NCKAP5: variants seen among roughly 807,000 people sequenced by gnomAD.
NCKAP5 encodes the protein NCK associated protein 5, also known as nck-associated protein 5.
In NCKAP5, 92 loss-of-function variants were observed where a neutral mutation model predicts 167.0. That is an observed-to-expected ratio of 0.55 (90% CI 0.47 to 0.66). The LOEUF (loss-of-function observed/expected upper bound fraction) is 0.66, where lower values mean the gene tolerates loss of function less well. Among genes scored for constraint, NCKAP5 ranks in the 30% least tolerant of loss-of-function variants. The pLI, the probability that NCKAP5 is intolerant of heterozygous loss-of-function variation, is 0.00. For missense variants in NCKAP5, 2,378 were observed against 2,315.0 expected, an observed-to-expected ratio of 1.03 and a Z score of -0.56; for synonymous variants, 891 against 877.4, an observed-to-expected ratio of 1.02 and a Z score of -0.27.
intron 11 of NCKAP5, among the ~76,000 whole-genome samples, chr2:132,804,594 A>T (rs1685288029): frequency 6.6e-6 from 1 of 152,170 alleles, no homozygotes; most frequent in African/African-American, 2.4e-5. Flanking sequence ...ACCTATTTTT[A>T]CCAGACCTAT....
chr2:132,731,857 A>G lies in NCKAP5; in HGVS notation c.5323T>C (p.Ser1775Pro). 1 of 1,613,886 alleles carries G rather than the reference A, an allele frequency of 6.2e-7. No individual in the cohort carries two copies. Among genetic ancestry groups the G allele is most frequent in the Non-Finnish European group, 8.5e-7 (1 of 1,179,872 alleles). The change falls in exon 17 of 20, where the codon TCC becomes CCC. Residue 1775 changes from serine to proline, a missense_variant. Around this residue, in one of 3 missense-constraint regions of NCKAP5, gnomAD observed 1,325 missense variants for 1,274.5 expected, o/e 1.04. Transcript: ENST00000409261. Reference protein sequence around the residue: ...RAQTLEREVPSSTDGQRPADS... With the variant: ...RAQTLEREVPPSTDGQRPADS... ...GCAGGGCGCTGGCCGTCTGTGGAGG[A>G]AGGCACTTCACGTTCAAGGGTTTGG...
intron 3 of NCKAP5, among the ~76,000 whole-genome samples, chr2:133,443,308 C>T (rs1158133313): frequency 1.3e-5 from 2 of 152,148 alleles, no homozygotes; most frequent in African/African-American, 2.4e-5. Flanking sequence ...GTTTTAGATG[C>T]CTTTGCTCCG....
chr2:133,194,054 G>C (rs10199346), intron 5 of NCKAP5, among the ~76,000 whole-genome samples: 1 of 151,890 alleles, frequency 6.6e-6, no homozygotes. Context: ...GTGCATATGC[G>C]TATACATGCA....
the NCKAP5 span, among the ~76,000 whole-genome samples, chr2:133,587,103 C>G: frequency 6.6e-6 from 1 of 152,264 alleles, no homozygotes; most frequent in South Asian, 2.1e-4. Context: ...ACGTCCTCAC[C>G]TTTTCCCTTC....
intron 3 of NCKAP5, among the ~76,000 whole-genome samples, chr2:133,487,002 T>G (rs1420378235): frequency 1.3e-5 from 2 of 152,126 alleles, no homozygotes; most frequent in African/African-American, 2.4e-5. Flanking sequence ...CCCAGCACAC[T>G]GCAGGAGTAA....
intron 6 of NCKAP5, among the ~76,000 whole-genome samples, chr2:133,029,344 T>C (rs750873701): frequency 1.1e-4 from 16 of 152,178 alleles, no homozygotes; most frequent in Admixed American, 8.5e-4. Context: ...GGCATTACTG[T>C]CCCCATTTGT....
At chr2:133,594,122 C>T in the NCKAP5 span, among the ~76,000 whole-genome samples, 1 of 152,196 alleles carries the variant, frequency 6.6e-6, no homozygotes, top group Non-Finnish European at 1.5e-5. Context: ...TTGTGTGGAG[C>T]CCACGCTTCT....
chr2:133,225,376 T>C (rs1203140864), intron 4 of NCKAP5, among the ~76,000 whole-genome samples: 1 of 152,182 alleles, frequency 6.6e-6, no homozygotes, highest in Non-Finnish European at 1.5e-5. Context: ...GCCTCTGAAA[T>C]CTCATTCTGT....
intron 3 of NCKAP5, among the ~76,000 whole-genome samples, chr2:133,355,873 A>C (rs1684678503): frequency 6.6e-6 from 1 of 152,168 alleles, no homozygotes; most frequent in Middle Eastern, 3.4e-3. Flanking sequence ...TTTGAGCAAA[A>C]GTACCCTCAG....
intron 16 of NCKAP5, among the ~76,000 whole-genome samples, chr2:132,766,845 C>T (rs1240883993): frequency 6.6e-6 from 1 of 152,144 alleles, no homozygotes; most frequent in Non-Finnish European, 1.5e-5. Context: ...TGTAGAGATT[C>T]CTTGATAATA....
intron 3 of NCKAP5, among the ~76,000 whole-genome samples, chr2:133,318,055 A>G (rs1031681026): frequency 2.0e-5 from 3 of 152,198 alleles, no homozygotes; most frequent in African/African-American, 7.2e-5. Flanking sequence ...GGAAAACAGG[A>G]ACTCCTGATA....
At chr2:132,778,414 G>A (rs181292181) in intron 15 of NCKAP5, among the ~76,000 whole-genome samples, 7 of 151,976 alleles carry the variant, frequency 4.6e-5, no homozygotes, top group Admixed American at 4.6e-4. Flanking sequence ...TGAACTAAGC[G>A]GAGGTTTGCT....
rs557975843 is a variant in NCKAP5 at position 132,687,247 on chromosome 2, G to A, written c.5714-13942C>T. Among the ~76,000 whole-genome samples the A allele has an allele frequency of 4.6e-5, 7 of 152,226 alleles. 1 individual carries two copies. The Middle Eastern group carries it at 0.014, about 296-fold the overall frequency. ...ACTAAGTAAGTCAAACCTTAGGGTC[G>A]CCTCTGCAGATCTTTAGCCTGGCCT... On this transcript the variant is annotated intron_variant, in intron 19 of 19. Coordinates refer to ENST00000409261, the MANE Select transcript of NCKAP5 (RefSeq NM_207363.3).
chr2:132,975,641 T>A (rs1367524949), intron 7 of NCKAP5, among the ~76,000 whole-genome samples: 12 of 152,304 alleles, frequency 7.9e-5, no homozygotes, highest in African/African-American at 2.6e-4. Flanking sequence ...AGAAAACTAA[T>A]AACAGAAATT....
chr2:132,827,032 G>T (rs1687174046), intron 11 of NCKAP5, among the ~76,000 whole-genome samples: 1 of 152,160 alleles, frequency 6.6e-6, no homozygotes, highest in African/African-American at 2.4e-5. Context: ...GGGAAGAAAA[G>T]AGGCTGCTTT....
chr2:133,642,039 G>A, the NCKAP5 span, among the ~76,000 whole-genome samples: 1 of 152,166 alleles, frequency 6.6e-6, no homozygotes, highest in Non-Finnish European at 1.5e-5. Context: ...GCTGTGTCTA[G>A]TGAGGGCCTC....
chr2:133,502,729 A>G (rs1682636091), intron 3 of NCKAP5, among the ~76,000 whole-genome samples: 1 of 152,214 alleles, frequency 6.6e-6, no homozygotes, highest in African/African-American at 2.4e-5. Context: ...AGCACTGCAG[A>G]CTTTTCAAGA....
intron 16 of NCKAP5, among the ~76,000 whole-genome samples, chr2:132,746,303 G>A (rs1346861283): frequency 6.6e-6 from 1 of 152,030 alleles, no homozygotes; most frequent in Non-Finnish European, 1.5e-5. Context: ...TTTAACGGAA[G>A]AAAGATAGTG....
chr2:133,615,892 T>C, the NCKAP5 span, among the ~76,000 whole-genome samples: 1 of 151,608 alleles, frequency 6.6e-6, no homozygotes, highest in Non-Finnish European at 1.5e-5. Flanking sequence ...ATTGACCACA[T>C]AGTTGGAAGT....
Sources: gnomAD v4.1 joint callset for allele counts (sites outside exome capture counted in the v4.1 genomes callset) on GRCh38, gnomAD v4.1.1 for gene constraint, gnomAD v4.1.1 regional missense constraint, MANE v1.5 for transcripts, NCBI Gene and HGNC (gene_info 2026-07-23, HGNC 2026-07-21) for gene names.